Variants in PSEN2 observed in about 807,000 individuals in gnomAD.
PSEN2 encodes presenilin-2.
In PSEN2, 32 loss-of-function variants were observed where a neutral mutation model predicts 49.1. That is an observed-to-expected ratio of 0.65 (90% CI 0.49 to 0.88). The LOEUF is 0.88. Ranked by LOEUF, PSEN2 falls within the 40% of genes least tolerant of loss-of-function variation. The probability of loss-of-function intolerance (pLI) is 0.00; values close to 1 mark genes in which losing one functional copy is unlikely to be tolerated. For missense variants in PSEN2, 522 were observed against 586.9 expected, an observed-to-expected ratio of 0.89 and a Z score of 1.14; for synonymous variants, 255 against 244.0, an observed-to-expected ratio of 1.05 and a Z score of -0.42.
chr1:226,893,033 A>G (rs1661865018), intron 11 of PSEN2, among the ~76,000 whole-genome samples: 1 of 152,184 alleles, frequency 6.6e-6, no homozygotes, highest in Non-Finnish European at 1.5e-5. Flanking sequence ...CCTGGGCTCA[A>G]GTGATCCTCC....
In PSEN2 at chr1:226,894,079, G is replaced by T; in HGVS notation, c.1145G>T (p.Ser382Ile). 1 of 1,614,228 alleles carries T rather than the reference G, an allele frequency of 6.2e-7. No individual in the cohort carries two copies. Among genetic ancestry groups the T allele is most frequent in the Non-Finnish European group, 8.5e-7 (1 of 1,180,026 alleles). The change falls in exon 12 of 13, where the codon AGC becomes ATC. Residue 382 changes from serine (S) to isoleucine (I), a missense_variant. Ser to Ile is a moderately radical substitution (Grantham distance 142, BLOSUM62 -2). Coordinates refer to ENST00000366783, the MANE Select transcript of PSEN2 (RefSeq NM_000447.3). Reference protein sequence around the residue: ...VLVGKAAATGSGDWNTTLACF... With the variant: ...VLVGKAAATGIGDWNTTLACF... ...GTGGGCAAGGCGGCTGCCACGGGCA[G>T]CGGGGACTGGAATACCACGCTGGCC...
At chr1:226,890,770 A>C (rs1182773579) in intron 9 of PSEN2, 4 of 187,554 alleles carry the variant, frequency 2.1e-5, no homozygotes, top group African/African-American at 9.5e-5. Context: ...GGCGGGGCTT[A>C]AATAGCCTGA....
Position 226,883,732 on chromosome 1 carries a change from G to A in PSEN2, c.169G>A (p.Glu57Lys). 3.1e-6 allele frequency: 5 copies of A among 1,614,176 alleles called. No individual in the cohort carries two copies. The highest frequency in any genetic ancestry group is 4.2e-6 in the Non-Finnish European group (5 of 1,180,042). Residue 57 changes from glutamate (E) to lysine (K), a missense_variant, in exon 5 of 13, where the codon GAG becomes AAG. Transcript: ENST00000366783. ...AAGCCAGGAGAACGAGGAGGACGGT[G>A]AGGAGGACCCTGACCGCTATGTCTG... ...WRSQENEEDG[E>K]EDPDRYVCSG...
At chr1:226,887,508 C>G (rs1471630840) in intron 6 of PSEN2, among the ~76,000 whole-genome samples, 1 of 152,106 alleles carries the variant, frequency 6.6e-6, no homozygotes, top group African/African-American at 2.4e-5. Context: ...CCATCCTTGG[C>G]CAGGAGAAGA....
chr1:226,899,605 C>G (rs1316473182), downstream of PSEN2: 1 of 152,198 alleles, frequency 6.6e-6, no homozygotes, highest in Non-Finnish European at 1.5e-5. Flanking sequence ...TATAAAGCTA[C>G]AGAAGTATAA....
At position 226,895,581 on chromosome 1, in the gene PSEN2, G is replaced by A; in HGVS notation, c.*2G>A. 6.2e-7 allele frequency: 1 copy of A among 1,610,710 alleles called. No homozygotes were observed. The highest frequency in any genetic ancestry group is 8.5e-7 in the Non-Finnish European group (1 of 1,178,454). ...GCCTCCCATCAGCTCTACATCTGAG[G>A]GACATGGTGTGCCACAGGCTGCAAG... On this transcript the variant is annotated 3_prime_UTR_variant, in exon 13 of 13. Transcript: ENST00000366783.
In PSEN2 at chr1:226,885,506, C is replaced by T. The variant is rs200748438; in HGVS notation, c.357-32C>T. On this transcript the variant is annotated intron_variant, in intron 5 of 12. Transcript: ENST00000366783. ...GGGAGCCTCGAGGAGCAGTCAGGGC[C>T]GGGAGCATCAGCCCTTTGCCTTCTC... 5.3e-5 allele frequency: 85 copies of T among 1,611,768 alleles called. No individual in the cohort carries two copies. The South Asian group carries it at 6.3e-4, about 12-fold the overall frequency.
intron 6 of PSEN2, 53 bp from the exon 7 acceptor site, chr1:226,888,038 A>G (rs906675501): frequency 4.1e-6 from 6 of 1,464,244 alleles, no homozygotes; most frequent in Middle Eastern, 3.4e-4. Context: ...TGGGGGCCTT[A>G]GAATTTGTGG....
downstream of PSEN2, among the ~76,000 whole-genome samples, chr1:226,901,638 C>A (rs890955397): frequency 2.0e-5 from 3 of 151,970 alleles, no homozygotes; most frequent in African/African-American, 7.3e-5. Flanking sequence ...TCTGCATTTC[C>A]CTAATGCTGA....
At chr1:226,902,226 G>A (rs1235990441) in intron 12 of PSEN2, among the ~76,000 whole-genome samples, 3 of 152,126 alleles carry the variant, frequency 2.0e-5, no homozygotes, top group Non-Finnish European at 4.4e-5. Flanking sequence ...AATGGGGTTC[G>A]AGGTCCTATG....
chr1:226,899,208 A>C (rs1265989091), downstream of PSEN2: 1 of 152,114 alleles, frequency 6.6e-6, no homozygotes, highest in Non-Finnish European at 1.5e-5. Flanking sequence ...CCCTACCCTC[A>C]AGGTTTTCTA....
downstream of PSEN2, chr1:226,898,642 C>T (rs1662225708): frequency 6.6e-6 from 1 of 152,154 alleles, no homozygotes; most frequent in Non-Finnish European, 1.5e-5. Context: ...TAGACAGAGT[C>T]TCGCGCTGTC....
chr1:226,882,093 G>T (rs771658370), intron 4 of PSEN2, 45 bp downstream of exon 4: 2 of 1,609,976 alleles, frequency 1.2e-6, no homozygotes, highest in African/African-American at 2.7e-5. Context: ...GGTCCCTGCG[G>T]CTACTGTACC....
At chr1:226,872,708 T>C (rs1660383595) in intron 2 of PSEN2, among the ~76,000 whole-genome samples, 2 of 152,142 alleles carry the variant, frequency 1.3e-5, no homozygotes, top group Admixed American at 6.5e-5. Flanking sequence ...TCGGACACTG[T>C]TTAGTTGGGG....
chr1:226,881,975 C>T lies in PSEN2; in HGVS notation c.68C>T (p.Ala23Val). Residue 23 changes from alanine (A) to valine (V), a missense_variant, in exon 4 of 13, where the codon GCT (alanine) becomes GTT (valine). Physicochemically the swap from Ala to Val is moderately conservative, Grantham distance 64. Coordinates refer to ENST00000366783, the MANE Select transcript of PSEN2 (RefSeq NM_000447.3). ...GATGAGCGGACGTCCCTAATGTCGG[C>T]TGAGAGCCCCACGCCGCGCTCCTGC... is the stretch of plus-strand genomic sequence containing the variant. Reference protein sequence around the residue: ...VCDERTSLMSAESPTPRSCQE... With the variant: ...VCDERTSLMSVESPTPRSCQE... 6.2e-7 allele frequency: 1 copy of T among 1,614,092 alleles called. No individual in the cohort carries two copies. Among genetic ancestry groups the T allele is most frequent in the Non-Finnish European group, 8.5e-7 (1 of 1,179,978 alleles).
downstream of PSEN2, among the ~76,000 whole-genome samples, chr1:226,901,325 A>G (rs1206891359): frequency 1.3e-5 from 2 of 151,672 alleles, no homozygotes; most frequent in East Asian, 1.9e-4. Context: ...AATCCCAGCT[A>G]CTCAGGAGGC....
At chr1:226,881,843 G>T (rs199658654) in intron 3 of PSEN2, 45 bp from the exon 4 acceptor site, 4 of 1,612,998 alleles carry the variant, frequency 2.5e-6, no homozygotes, top group African/African-American at 2.7e-5. Context: ...CACTGCCTTT[G>T]TCTCACAGGA....
At chr1:226,894,722 G>C (rs1370232958) in intron 12 of PSEN2, among the ~76,000 whole-genome samples, 1 of 152,246 alleles carries the variant, frequency 6.6e-6, no homozygotes, top group Non-Finnish European at 1.5e-5. Context: ...AGGAGGAGGA[G>C]CGTCTGAGCC....
chr1:226,880,670 G>T, intron 3 of PSEN2: 1 of 1,612,880 alleles, frequency 6.2e-7, no homozygotes, highest in Non-Finnish European at 8.5e-7. Context: ...TGTCAGATTT[G>T]CCAGGCATTG....
Sources: gnomAD v4.1 joint callset for allele counts (sites outside exome capture counted in the v4.1 genomes callset) on GRCh38, gnomAD v4.1.1 for gene constraint, MANE v1.5 for transcripts, NCBI Gene and HGNC (gene_info 2026-07-23, HGNC 2026-07-21) for gene names.